CBL: variants seen among roughly 807,000 people sequenced by gnomAD.
CBL encodes E3 ubiquitin-protein ligase CBL.
In CBL, 45 loss-of-function variants were observed where a neutral mutation model predicts 96.9. That is an observed-to-expected ratio of 0.46 (90% confidence interval 0.37 to 0.60). The LOEUF is 0.60. Ranked by LOEUF, CBL falls within the 20% of genes least tolerant of loss-of-function variation. The pLI, the probability that CBL is intolerant of heterozygous loss-of-function variation, is 0.00. For missense variants in CBL, 1,024 were observed against 1,143.5 expected (o/e 0.90, Z 1.51); for synonymous variants, 420 against 426.8 (o/e 0.98, Z 0.20).
intron 1 of CBL, among the ~76,000 whole-genome samples, chr11:119,210,871 G>GA (rs1949311425): frequency 6.6e-6 from 1 of 151,992 alleles, no homozygotes; most frequent in Admixed American, 6.6e-5. Flanking sequence ...TATTCTAGGG[G>GA]ATATGTTCAA....
chr11:119,252,282 T>C (rs1949675277), intron 2 of CBL, among the ~76,000 whole-genome samples: 2 of 152,206 alleles, frequency 1.3e-5, no homozygotes, highest in South Asian at 2.1e-4. Context: ...TATTTAGATT[T>C]AGTGTTTCTT....
intron 12 of CBL, among the ~76,000 whole-genome samples, chr11:119,293,581 A>T (rs1950044224): frequency 6.6e-6 from 1 of 152,084 alleles, no homozygotes; most frequent in Non-Finnish European, 1.5e-5. Context: ...GATTTGTAAT[A>T]GCTCTAGGGA....
At position 119,297,167 on chromosome 11, in the gene CBL, C is replaced by T; in HGVS notation, c.2153+133C>T. 6.5e-6 allele frequency: 5 copies of T among 771,176 alleles called. No individual in the cohort carries two copies. The South Asian group carries it at 6.9e-5, about 11-fold the overall frequency. The allele number at this position is 771,176 out of a possible 1,614,324, so 47.8% of individuals were successfully genotyped here. A position where few individuals can be genotyped will look rare whatever the true frequency, so the allele number is the denominator to read the frequency against. ...AGCAGAAAGATAAAGATAAATCTAG[C>T]CCTTAATGGTTTAAGCCTTTTGTAG... On this transcript the variant is annotated intron_variant, in intron 13 of 15. Transcript: ENST00000264033.
chr11:119,227,714 C>T (rs200848727), intron 1 of CBL, among the ~76,000 whole-genome samples: 1 of 152,102 alleles, frequency 6.6e-6, no homozygotes, highest in South Asian at 2.1e-4. Flanking sequence ...CCACGCCTGG[C>T]TAATTTTGTA....
intron 6 of CBL, 123 bp from the exon 7 acceptor site, chr11:119,277,634 G>T (rs2135302823): frequency 1.5e-6 from 1 of 686,548 alleles, no homozygotes; most frequent in Non-Finnish European, 2.7e-6. Context: ...AAGTAAGATT[G>T]ATCTTTATAC....
At chr11:119,279,393 T>A (rs1949915448) in intron 9 of CBL, among the ~76,000 whole-genome samples, 1 of 151,904 alleles carries the variant, frequency 6.6e-6, no homozygotes, top group Non-Finnish European at 1.5e-5. Context: ...CACCTGTAGT[T>A]CTAACTACTC....
chr11:119,239,807 A>G (rs886721637), intron 2 of CBL, among the ~76,000 whole-genome samples: 1 of 148,334 alleles, frequency 6.7e-6, no homozygotes, highest in Non-Finnish European at 1.5e-5. Flanking sequence ...TTTTTGTTTT[A>G]TCATAAACAG....
intron 1 of CBL, among the ~76,000 whole-genome samples, chr11:119,227,053 T>A (rs907385659): frequency 1.3e-5 from 2 of 152,194 alleles, no homozygotes; most frequent in Admixed American, 6.5e-5. Flanking sequence ...TGATTTGGGA[T>A]TTTTCGACTT....
chr11:119,264,388 T>TTTCTCTTCTCTTCTCTTCTC (rs367863373), intron 2 of CBL, among the ~76,000 whole-genome samples: 6,777 of 133,754 alleles, frequency 0.051, 276 homozygotes, highest in Admixed American at 0.083. Context: ...TTTCTTTTCT[T>TTTCTCTTCTCTTCTCTTCTC]TTCTCTTCTC....
intron 1 of CBL, among the ~76,000 whole-genome samples, chr11:119,226,330 A>G (rs766122768): frequency 6.6e-6 from 1 of 152,198 alleles, no homozygotes; most frequent in Non-Finnish European, 1.5e-5. Flanking sequence ...TGGTGTGGAA[A>G]TGAGAAGGGG....
At chr11:119,217,011 C>T (rs1017030945) in intron 1 of CBL, among the ~76,000 whole-genome samples, 5 of 152,180 alleles carry the variant, frequency 3.3e-5, no homozygotes, top group Admixed American at 3.3e-4. Flanking sequence ...TATTGTAGAG[C>T]AGTTTACAAT....
intron 2 of CBL, among the ~76,000 whole-genome samples, chr11:119,237,581 C>A (rs1043016410): frequency 6.6e-5 from 10 of 152,142 alleles, no homozygotes; most frequent in Admixed American, 6.6e-4. Flanking sequence ...AGAGGTCCAA[C>A]TTGATTCTCT....
At chr11:119,299,404 A>G in intron 15 of CBL, 91 bp from the exon 16 acceptor site, 2 of 1,194,358 alleles carry the variant, frequency 1.7e-6, no homozygotes, top group Admixed American at 3.6e-5. Flanking sequence ...ACAGGAAGTC[A>G]GTAATATCTT....
chr11:119,272,378 C>T (rs1949856086), intron 3 of CBL, among the ~76,000 whole-genome samples: 1 of 152,200 alleles, frequency 6.6e-6, no homozygotes, highest in African/African-American at 2.4e-5. Context: ...CTTCGGCATC[C>T]CAAAGTGCTG....
chr11:119,279,492 T>C (rs4448700), intron 9 of CBL, among the ~76,000 whole-genome samples: 162 of 148,140 alleles, frequency 1.1e-3, no homozygotes, highest in East Asian at 2.0e-3. Context: ...TGCCCCCCCC[T>C]AAAAAAAAAA....
chr11:119,289,147 A>G (rs1591266137), intron 12 of CBL, among the ~76,000 whole-genome samples: 1 of 152,148 alleles, frequency 6.6e-6, no homozygotes, highest in African/African-American at 2.4e-5. Flanking sequence ...AAGAATGTGT[A>G]TTTTGCAGTT....
chr11:119,276,148 G>A lies in CBL; in HGVS notation c.1007+14G>A, dbSNP rs1388748421. The A allele has an allele frequency of 6.2e-7, 1 of 1,613,830 alleles. No individual in the cohort carries two copies. The highest frequency in any genetic ancestry group is 1.3e-5 in the African/African-American group (1 of 75,006). On this transcript the variant is annotated intron_variant, in intron 6 of 15. Coordinates refer to ENST00000264033, the MANE Select transcript of CBL (RefSeq NM_005188.4). Reference sequence around the variant, plus strand: ...CAGGGAAGGCTTGTGAGTACCTACTGCATACCATCTGTTAGAGTCTGGGAA... The same window carrying A: ...CAGGGAAGGCTTGTGAGTACCTACTACATACCATCTGTTAGAGTCTGGGAA...
rs397507491 is a variant in CBL at position 119,278,269 on chromosome 11, T to G, written c.1199T>G (p.Met400Arg). The G allele has an allele frequency of 6.2e-7, 1 of 1,614,052 alleles. No homozygotes were observed. Among genetic ancestry groups the G allele is most frequent in the Non-Finnish European group, 8.5e-7 (1 of 1,179,898 alleles). The change falls in exon 8 of 16, where the codon ATG (methionine) becomes AGG (arginine). Residue 400 changes from methionine to arginine, a missense_variant. By Grantham distance (91) the Met-to-Arg change is moderately conservative. Around this residue, in one of 4 missense-constraint regions of CBL, gnomAD observed 695 missense variants for 661.6 expected, o/e 1.05. Coordinates refer to ENST00000264033, the MANE Select transcript of CBL (RefSeq NM_005188.4). The stretch of plus-strand genomic sequence containing the variant: ...AAGATTGAGCCCTGTGGACACCTCA[T>G]GTGCACATCCTGTCTTACATCCTGG... ...DVKIEPCGHL[M>R]CTSCLTSWQE...
At chr11:119,267,507 C>T (rs1363936321) in intron 2 of CBL, among the ~76,000 whole-genome samples, 1 of 152,068 alleles carries the variant, frequency 6.6e-6, no homozygotes, top group Non-Finnish European at 1.5e-5. Context: ...TTCCAAGACC[C>T]ACTCCCTGTA....
Sources: gnomAD v4.1 joint callset for allele counts (sites outside exome capture counted in the v4.1 genomes callset) on GRCh38, gnomAD v4.1.1 for gene constraint, gnomAD v4.1.1 regional missense constraint, MANE v1.5 for transcripts, NCBI Gene and HGNC (gene_info 2026-07-23, HGNC 2026-07-21) for gene names.